ETF1: variants seen among roughly 807,000 people sequenced by gnomAD.
ETF1 encodes eukaryotic peptide chain release factor subunit 1.
ETF1 carries 4 observed loss-of-function variants against 55.1 expected under a neutral mutation model. That is an observed-to-expected ratio of 0.07 (90% CI 0.04 to 0.17). The LOEUF (loss-of-function observed/expected upper bound fraction) is 0.17, where lower values mean the gene tolerates loss of function less well. ETF1 is among the 10% of genes least tolerant of loss of function. The probability of loss-of-function intolerance (pLI) is 1.00; values close to 1 mark genes in which losing one functional copy is unlikely to be tolerated. For synonymous variants in ETF1, 157 were observed against 182.3 expected (o/e 0.86, Z 1.12); for missense variants, 142 against 523.6 (o/e 0.27, Z 7.11).
At chr5:138,521,367 C>T (rs938406125) in intron 2 of ETF1, among the ~76,000 whole-genome samples, 1 of 152,110 alleles carries the variant, frequency 6.6e-6, no homozygotes, top group Non-Finnish European at 1.5e-5. Context: ...TTTAGTTTTA[C>T]AAGACGAAAA....
intron 10 of ETF1, 82 bp from the exon 11 acceptor site, chr5:138,508,469 A>C: frequency 6.3e-7 from 1 of 1,586,166 alleles, no homozygotes; most frequent in Admixed American, 1.9e-5. Context: ...GAATAAGGGA[A>C]GCCCTATTCT....
rs189706559 is a variant in ETF1, at chr5:138,531,930, C to G, written c.86+10903G>C. On this transcript the variant is annotated intron_variant, in intron 2 of 10. Transcript: ENST00000360541. The stretch of plus-strand genomic sequence containing the variant: ...GGCGTGGTGGCGGGCGCCTATAGTC[C>G]CAGCTACCTGGGAGGCTGAGGCAGG... Among the ~76,000 whole-genome samples the G allele has an allele frequency of 3.9e-3, 592 of 152,234 alleles. 1 individual carries two copies. The highest frequency in any genetic ancestry group is 0.01 in the Middle Eastern group (3 of 294).
At chr5:138,537,442 A>ACACCT in intron 2 of ETF1, among the ~76,000 whole-genome samples, 2 of 152,216 alleles carry the variant, frequency 1.3e-5, no homozygotes, top group Non-Finnish European at 2.9e-5. Context: ...ATCCAAGATT[A>ACACCT]ATGTCCATAG....
At chr5:138,534,473 A>T (rs1041389149) in intron 2 of ETF1, among the ~76,000 whole-genome samples, 1 of 152,240 alleles carries the variant, frequency 6.6e-6, no homozygotes, top group Non-Finnish European at 1.5e-5. Flanking sequence ...GATCTTTCTA[A>T]TATACGAATG....
chr5:138,526,485 C>G (rs1471523220), intron 2 of ETF1, among the ~76,000 whole-genome samples: 1 of 152,138 alleles, frequency 6.6e-6, no homozygotes, highest in Non-Finnish European at 1.5e-5. Context: ...TGGAAGTTTT[C>G]TCCTAGTGGT....
intron 2 of ETF1, among the ~76,000 whole-genome samples, chr5:138,539,187 AAATT>A (rs1766073637): frequency 6.6e-6 from 1 of 152,198 alleles, no homozygotes; most frequent in Non-Finnish European, 1.5e-5. Context: ...AACCTAACCC[AAATT>A]AACACTGTCC....
chr5:138,543,049 G>A, intron 1 of ETF1, 48 bp downstream of exon 1: 1 of 907,034 alleles, frequency 1.1e-6, no homozygotes, highest in Non-Finnish European at 1.7e-6. Flanking sequence ...CTCCCGTCCG[G>A]TGCAGCTCGC....
chr5:138,523,749 G>A (rs1765334773), intron 2 of ETF1, among the ~76,000 whole-genome samples: 1 of 152,108 alleles, frequency 6.6e-6, no homozygotes, highest in African/African-American at 2.4e-5. Context: ...GCACAACTCT[G>A]GAAAAACAGT....
intron 8 of ETF1, 160 bp from the exon 9 acceptor site, chr5:138,510,789 A>T: frequency 2.9e-6 from 2 of 698,202 alleles, no homozygotes; most frequent in Non-Finnish European, 3.5e-6. Flanking sequence ...TACTAGGTAC[A>T]ATGCTTCAAC....
intron 2 of ETF1, among the ~76,000 whole-genome samples, chr5:138,531,509 C>T (rs930010104): frequency 1.3e-5 from 2 of 152,260 alleles, no homozygotes; most frequent in South Asian, 2.1e-4. Context: ...CTCACTCCCC[C>T]TCAAGTACTC....
At chr5:138,517,374 A>T (rs76455717) in intron 4 of ETF1, among the ~76,000 whole-genome samples, 187 bp downstream of exon 4, 4 of 136,588 alleles carry the variant, frequency 2.9e-5, no homozygotes, top group African/African-American at 1.5e-4. Flanking sequence ...CCGTCTAAAA[A>T]AAAAATAAAA....
chr5:138,508,140 G>C lies in ETF1; in HGVS notation c.*165C>G. ...ATGACAAACCAAAGTGTAGGGCTGG[G>C]TCTGGTTTTGTTTCGGTTTTCTTTT... On this transcript the variant is annotated 3_prime_UTR_variant, in exon 11 of 11. Transcript: ENST00000360541. The C allele has an allele frequency of 1.2e-6, 1 of 851,064 alleles. No individual in the cohort carries two copies. 52.7% of individuals were successfully genotyped at this position (851,064 alleles called of 1,614,324 possible). A position where few individuals can be genotyped will look rare whatever the true frequency, so the allele number is the denominator to read the frequency against.
rs753469182 is a variant in ETF1, at chr5:138,511,479, T to C, written c.858A>G (p.Leu286=). Residue 286 remains leucine (L), a synonymous_variant, in exon 7 of 11, where the codon TTA becomes TTG. Coordinates refer to ENST00000360541, the MANE Select transcript of ETF1 (RefSeq NM_004730.4). ...SNVKFIQEKK[L]IGRYFDEISQ... ...GTAGTTGCATTTCACCGATACCTATTAATTTCTTCTCTTGAATGAATTTCA... is the reference window on the plus strand; with the variant it reads ...GTAGTTGCATTTCACCGATACCTATCAATTTCTTCTCTTGAATGAATTTCA... 8 of 1,613,252 alleles carry C rather than the reference T, an allele frequency of 5.0e-6. No homozygotes were observed. Among genetic ancestry groups the C allele is most frequent in the Non-Finnish European group, 5.9e-6 (7 of 1,179,728 alleles).
chr5:138,517,110 C>A (rs1425218007), intron 4 of ETF1, among the ~76,000 whole-genome samples: 2 of 152,132 alleles, frequency 1.3e-5, no homozygotes, highest in African/African-American at 4.8e-5. Flanking sequence ...GTTGCTCATG[C>A]CTGTAATCCT....
At chr5:138,537,640 T>G (rs964040932) in intron 2 of ETF1, among the ~76,000 whole-genome samples, 1 of 152,122 alleles carries the variant, frequency 6.6e-6, no homozygotes, top group Admixed American at 6.6e-5. Context: ...CAGGCTGGAG[T>G]GCAGTGGCGC....
chr5:138,512,650 CAAGTTTTTAACCCA>C, intron 6 of ETF1, 100 bp downstream of exon 6: 1 of 906,438 alleles, frequency 1.1e-6, no homozygotes, highest in Non-Finnish European at 1.6e-6. Context: ...AACTCAGAGG[CAAGTTTTTAACCCA>C]AGGAATTTTA....
At chr5:138,531,929 C>A (rs964165976) in intron 2 of ETF1, among the ~76,000 whole-genome samples, 100 of 152,246 alleles carry the variant, frequency 6.6e-4, no homozygotes, top group African/African-American at 2.1e-3. Flanking sequence ...CGCCTATAGT[C>A]CCAGCTACCT....
intron 2 of ETF1, among the ~76,000 whole-genome samples, chr5:138,522,485 C>A (rs1248216832): frequency 1.3e-5 from 2 of 151,774 alleles, no homozygotes; most frequent in Admixed American, 6.6e-5. Flanking sequence ...ATGACCCAAC[C>A]ACTCTACTCT....
At chr5:138,508,438 G>C (rs760247848) in intron 10 of ETF1, 51 bp from the exon 11 acceptor site, 2 of 1,608,306 alleles carry the variant, frequency 1.2e-6, no homozygotes, top group African/African-American at 2.7e-5. Flanking sequence ...GGATGGGCAT[G>C]TGTGTAGGTG....
Sources: gnomAD v4.1 joint callset for allele counts (sites outside exome capture counted in the v4.1 genomes callset) on GRCh38, gnomAD v4.1.1 for gene constraint, MANE v1.5 for transcripts, NCBI Gene and HGNC (gene_info 2026-07-23, HGNC 2026-07-21) for gene names.